Variants in PTPRD observed in about 807,000 individuals in gnomAD.
PTPRD encodes receptor-type tyrosine-protein phosphatase delta.
Under a neutral mutation model 214.5 loss-of-function variants are expected in PTPRD, and 34 were observed. The observed-to-expected ratio is 0.16, with a 90% CI of 0.12 to 0.21. The LOEUF is 0.21. Among genes scored for constraint, PTPRD ranks in the 10% least tolerant of loss-of-function variants. The pLI, the probability that PTPRD is intolerant of heterozygous loss-of-function variation, is 1.00. For synonymous variants in PTPRD, 1,128 were observed against 845.7 expected, an observed-to-expected ratio of 1.33 and a Z score of -5.79; for missense variants, 2,545 against 2,398.7, an observed-to-expected ratio of 1.06 and a Z score of -1.27.
At chr9:10,322,901 G>A in intron 3 of PTPRD, among the ~76,000 whole-genome samples, 1 of 151,992 alleles carries the variant, frequency 6.6e-6, no homozygotes, top group East Asian at 2.0e-4. Context: ...GTTACCTAGG[G>A]AAGTGTTCTG....
chr9:10,234,082 G>A (rs1356953249), intron 3 of PTPRD, among the ~76,000 whole-genome samples: 1 of 151,634 alleles, frequency 6.6e-6, no homozygotes, highest in Non-Finnish European at 1.5e-5. Context: ...GTGAAACCCT[G>A]TGTCTACTAA....
Position 8,804,020 on chromosome 9 carries a change from T to C in PTPRD, c.-103-70074A>G, listed in dbSNP as rs551141256. On this transcript the variant is annotated intron_variant, in intron 11 of 45. Coordinates refer to ENST00000381196, the MANE Select transcript of PTPRD (RefSeq NM_002839.4). ...CAGGCTGGAGTGTAGTGGTGCAATC[T>C]TGGCTCACTGCAACTTCTGCCCCCT... is the stretch of plus-strand genomic sequence containing the variant. Among the ~76,000 whole-genome samples the C allele has an allele frequency of 1.2e-3, 179 of 152,186 alleles. 1 individual carries two copies. Among genetic ancestry groups the C allele is most frequent in the Non-Finnish European group, 1.9e-3 (131 of 68,004 alleles).
At chr9:9,281,427 A>G (rs1947647637) in intron 9 of PTPRD, among the ~76,000 whole-genome samples, 1 of 151,324 alleles carries the variant, frequency 6.6e-6, no homozygotes, top group Non-Finnish European at 1.5e-5. Context: ...GATTGAAAAA[A>G]TGGACAAAAT....
At chr9:9,040,020 T>C (rs562185455) in intron 10 of PTPRD, among the ~76,000 whole-genome samples, 135 of 152,192 alleles carry the variant, frequency 8.9e-4, no homozygotes, top group African/African-American at 3.1e-3. Context: ...ATTCCTACTT[T>C]ACAGATGAGG....
chr9:9,121,750 G>A (rs1048834183), intron 10 of PTPRD, among the ~76,000 whole-genome samples: 3 of 151,958 alleles, frequency 2.0e-5, no homozygotes, highest in Non-Finnish European at 2.9e-5. Flanking sequence ...GGTGCATCAG[G>A]TTCTCACAAA....
intron 10 of PTPRD, among the ~76,000 whole-genome samples, chr9:9,163,406 T>C (rs544750026): frequency 6.2e-4 from 95 of 152,078 alleles, no homozygotes; most frequent in Non-Finnish European, 1.2e-3. Context: ...TCCACTACCA[T>C]CTACCCAGGA....
chr9:9,209,143 A>G (rs12237884), intron 9 of PTPRD, among the ~76,000 whole-genome samples: 26,803 of 152,022 alleles, frequency 0.18, 2,511 homozygotes, highest in East Asian at 0.33. Flanking sequence ...ACTCCCACCA[A>G]TGATGTAGTT....
intron 2 of PTPRD, among the ~76,000 whole-genome samples, chr9:10,389,903 C>A (rs983177871): frequency 6.6e-6 from 1 of 151,734 alleles, no homozygotes; most frequent in African/African-American, 2.4e-5. Flanking sequence ...ACAGGTGGAG[C>A]TTACCATTGC....
intron 3 of PTPRD, among the ~76,000 whole-genome samples, chr9:10,302,632 G>A (rs2095899237): frequency 6.6e-6 from 1 of 152,172 alleles, no homozygotes; most frequent in African/African-American, 2.4e-5. Context: ...TGATAAAACA[G>A]ACTTTAAAAC....
chr9:9,406,898 G>C (rs182916566), intron 8 of PTPRD, among the ~76,000 whole-genome samples: 1 of 149,600 alleles, frequency 6.7e-6, no homozygotes, highest in Non-Finnish European at 1.5e-5. Context: ...ATTTTTTTCT[G>C]ATTCTTGTCT....
intron 12 of PTPRD, among the ~76,000 whole-genome samples, chr9:8,686,968 T>C (rs2154377681): frequency 6.6e-6 from 1 of 152,288 alleles, no homozygotes; most frequent in East Asian, 1.9e-4. Context: ...TAAGATATGG[T>C]ATTTCCCCCG....
At chr9:8,563,674 T>C (rs200989777) in intron 14 of PTPRD, among the ~76,000 whole-genome samples, 1 of 151,972 alleles carries the variant, frequency 6.6e-6, no homozygotes, top group Admixed American at 6.6e-5. Context: ...TGACCTTGTG[T>C]TCCACCCGCC....
At chr9:9,516,349 A>G (rs1390166433) in intron 8 of PTPRD, among the ~76,000 whole-genome samples, 1 of 152,008 alleles carries the variant, frequency 6.6e-6, no homozygotes, top group Non-Finnish European at 1.5e-5. Flanking sequence ...CATAACTCTA[A>G]AAAGACAGAC....
At chr9:8,935,829 C>A (rs2154289709) in intron 11 of PTPRD, among the ~76,000 whole-genome samples, 1 of 152,294 alleles carries the variant, frequency 6.6e-6, no homozygotes, top group South Asian at 2.1e-4. Flanking sequence ...CTTTCCCTTT[C>A]CATCCAAGAG....
chr9:10,346,060 T>A (rs2097075015), intron 2 of PTPRD, among the ~76,000 whole-genome samples: 1 of 152,140 alleles, frequency 6.6e-6, no homozygotes, highest in African/African-American at 2.4e-5. Context: ...AGAAAATATA[T>A]GGAATTTAAG....
intron 5 of PTPRD, among the ~76,000 whole-genome samples, chr9:9,864,809 C>T (rs1319155350): frequency 1.3e-5 from 2 of 152,120 alleles, no homozygotes; most frequent in Non-Finnish European, 2.9e-5. Context: ...CCACCAGCCC[C>T]AACCCAGCTT....
chr9:9,694,279 A>T (rs911157492), intron 7 of PTPRD, among the ~76,000 whole-genome samples: 28 of 151,150 alleles, frequency 1.9e-4, no homozygotes, highest in African/African-American at 6.8e-4. Context: ...CTTGAACCCC[A>T]AGCATAATCC....
chr9:10,453,944 G>A (rs2098878979), intron 2 of PTPRD, among the ~76,000 whole-genome samples: 1 of 151,346 alleles, frequency 6.6e-6, no homozygotes, highest in Non-Finnish European at 1.5e-5. Flanking sequence ...GTCATATATG[G>A]CCTTTATCAT....
intron 2 of PTPRD, among the ~76,000 whole-genome samples, chr9:10,341,908 T>C (rs951921594): frequency 1.3e-5 from 2 of 151,860 alleles, no homozygotes; most frequent in South Asian, 4.1e-4. Flanking sequence ...TAAGCAATCT[T>C]AGCAACTCAA....
Sources: allele counts gnomAD v4.1 joint callset (sites outside exome capture counted in the v4.1 genomes callset), GRCh38; gene constraint gnomAD v4.1.1; transcripts MANE v1.5; gene names NCBI Gene and HGNC (gene_info 2026-07-23, HGNC 2026-07-21).